DIP2A: variants seen among roughly 807,000 people sequenced by gnomAD.
DIP2A encodes DIP2 acetate--CoA ligase A.
Under a neutral mutation model 177.4 loss-of-function variants are expected in DIP2A, and 85 were observed. The ratio of observed to expected loss-of-function variants is 0.48; its 90% confidence interval spans 0.40 to 0.57. DIP2A has a LOEUF of 0.57. Among genes scored for constraint, DIP2A ranks in the 20% least tolerant of loss-of-function variants. The probability of loss-of-function intolerance (pLI) is 0.00; values close to 1 mark genes in which losing one functional copy is unlikely to be tolerated. For synonymous variants in DIP2A, 886 were observed against 881.8 expected, an observed-to-expected ratio of 1.00 and a Z score of -0.08; for missense variants, 1,791 against 2,100.2, an observed-to-expected ratio of 0.85 and a Z score of 2.88.
intron 18 of DIP2A, among the ~76,000 whole-genome samples, chr21:46,544,545 C>T (rs1369925510): frequency 1.3e-5 from 2 of 152,168 alleles, no homozygotes; most frequent in African/African-American, 4.8e-5. Context: ...GCCTCATAGC[C>T]TGTAGTGTGT....
intron 8 of DIP2A, among the ~76,000 whole-genome samples, chr21:46,517,318 AC>A (rs1439104687): frequency 6.6e-6 from 1 of 151,704 alleles, no homozygotes; most frequent in Admixed American, 6.6e-5. Flanking sequence ...GGCTCAAGTG[AC>A]CTGCCTGCCT....
intron 2 of DIP2A, among the ~76,000 whole-genome samples, chr21:46,489,107 G>A (rs573376902): frequency 1.9e-4 from 29 of 151,682 alleles, no homozygotes; most frequent in Admixed American, 6.6e-4. Flanking sequence ...ACGTGTGTGT[G>A]TGGGTGTGTG....
chr21:46,490,431 G>A (rs1285004941), intron 2 of DIP2A, among the ~76,000 whole-genome samples, 169 bp from the exon 3 acceptor site: 2 of 152,186 alleles, frequency 1.3e-5, no homozygotes, highest in Non-Finnish European at 2.9e-5. Context: ...GGAAGTGGAT[G>A]TTGCCCTTAA....
intron 35 of DIP2A, 69 bp from the exon 36 acceptor site, chr21:46,565,644 A>G (rs1297425034): frequency 2.7e-6 from 4 of 1,461,536 alleles, no homozygotes; most frequent in Non-Finnish European, 3.7e-6. Context: ...TGGCCAGTGG[A>G]TGTCTCGTGA....
intron 21 of DIP2A, among the ~76,000 whole-genome samples, chr21:46,547,574 C>T (rs974216107): frequency 6.6e-6 from 1 of 151,608 alleles, no homozygotes; most frequent in Non-Finnish European, 1.5e-5. Flanking sequence ...CTCCCAAGCT[C>T]CTTGTCTGGG....
At chr21:46,527,899 C>T (rs2059171905) in intron 8 of DIP2A, among the ~76,000 whole-genome samples, 1 of 152,022 alleles carries the variant, frequency 6.6e-6, no homozygotes, top group Non-Finnish European at 1.5e-5. Context: ...CCATGGTCAC[C>T]CCTGCCTCTG....
intron 33 of DIP2A, chr21:46,561,279 G>A (rs2060654643): frequency 3.6e-6 from 1 of 274,438 alleles, no homozygotes; most frequent in Non-Finnish European, 7.1e-6. Context: ...CTTACCTGAT[G>A]CTGTCATAGG....
chr21:46,462,530 GT>G (rs2054409109), intron 1 of DIP2A: 1 of 152,148 alleles, frequency 6.6e-6, no homozygotes. Flanking sequence ...CTGGTAAGGT[GT>G]TTTATTTATA....
chr21:46,543,484 C>G (rs1312651126), intron 18 of DIP2A, among the ~76,000 whole-genome samples: 1 of 151,084 alleles, frequency 6.6e-6, no homozygotes, highest in Non-Finnish European at 1.5e-5. Flanking sequence ...CAGCGCACCC[C>G]CCTCCCCCAG....
At chr21:46,516,910 T>C (rs937268759) in intron 8 of DIP2A, among the ~76,000 whole-genome samples, 2 of 152,174 alleles carry the variant, frequency 1.3e-5, no homozygotes, top group African/African-American at 2.4e-5. Context: ...TGGAAAAATT[T>C]CTCATTATTC....
intron 8 of DIP2A, among the ~76,000 whole-genome samples, chr21:46,526,393 ATTCC>A (rs1569038270): frequency 1.4e-5 from 2 of 146,182 alleles, no homozygotes; most frequent in African/African-American, 5.0e-5. Context: ...AAAAACGTTC[ATTCC>A]TTTTTTTTTT....
intron 1 of DIP2A, among the ~76,000 whole-genome samples, chr21:46,468,326 G>A (rs1601333757): frequency 1.3e-5 from 2 of 151,278 alleles, no homozygotes; most frequent in South Asian, 4.2e-4. Context: ...TACTCTGATG[G>A]CTGAGGCAGG....
chr21:46,561,486 A>C (rs2148908924), intron 33 of DIP2A: 1 of 536,706 alleles, frequency 1.9e-6, no homozygotes, highest in East Asian at 3.7e-5. Flanking sequence ...TGCTGGGTTC[A>C]GGGAGGACCT....
chr21:46,513,363 T>C (rs2058400204), intron 8 of DIP2A, among the ~76,000 whole-genome samples: 2 of 152,202 alleles, frequency 1.3e-5, no homozygotes, highest in Non-Finnish European at 2.9e-5. Context: ...AAGGCAATCC[T>C]TTCCCCAAAG....
chr21:46,519,535 C>A (rs2058729186), intron 8 of DIP2A, among the ~76,000 whole-genome samples: 1 of 152,126 alleles, frequency 6.6e-6, no homozygotes, highest in Non-Finnish European at 1.5e-5. Context: ...TCCTGCCTAA[C>A]TATTAGGGTC....
At chr21:46,536,077 A>G (rs1384242996) in intron 13 of DIP2A, among the ~76,000 whole-genome samples, 2 of 152,230 alleles carry the variant, frequency 1.3e-5, no homozygotes, top group Admixed American at 6.5e-5. Flanking sequence ...TGGCAACGTA[A>G]TAAGACCTCG....
intron 5 of DIP2A, among the ~76,000 whole-genome samples, chr21:46,499,373 C>T (rs1214599970): frequency 2.0e-5 from 3 of 152,164 alleles, no homozygotes; most frequent in Admixed American, 1.3e-4. Context: ...CACATCCATA[C>T]CTGCTGGTGG....
At position 46,555,838 on chromosome 21, in the gene DIP2A, A is replaced by G. The variant is rs568242686; in HGVS notation, c.3389-144A>G. ...GCTTTCCTGAGCACGCACAGCCTGC[A>G]TCGTCACGGCCCCACTCCCGTCTGA... is the stretch of plus-strand genomic sequence containing the variant. On this transcript the variant is annotated intron_variant, in intron 28 of 37. Transcript: ENST00000417564. 510 of 707,056 alleles carry G rather than the reference A, an allele frequency of 7.2e-4. 2 individuals are homozygous for G. The highest frequency in any genetic ancestry group is 6.1e-4 in the Non-Finnish European group (237 of 385,998). 43.8% of individuals were successfully genotyped at this position (707,056 alleles called of 1,614,324 possible).
chr21:46,521,965 G>A (rs2086243636), intron 8 of DIP2A, among the ~76,000 whole-genome samples: 1 of 152,032 alleles, frequency 6.6e-6, no homozygotes, highest in African/African-American at 2.4e-5. Context: ...CACACTTGCA[G>A]GTAGAACTGC....
Sources: allele counts gnomAD v4.1 joint callset (sites outside exome capture counted in the v4.1 genomes callset), GRCh38; gene constraint gnomAD v4.1.1; transcripts MANE v1.5; gene names NCBI Gene and HGNC (gene_info 2026-07-23, HGNC 2026-07-21).